Variants in SEMA3E observed in about 807,000 individuals in gnomAD.
SEMA3E encodes semaphorin 3E.
Under a neutral mutation model 93.6 loss-of-function variants are expected in SEMA3E, and 49 were observed. The observed-to-expected ratio is 0.52, with a 90% confidence interval of 0.42 to 0.66. The LOEUF (loss-of-function observed/expected upper bound fraction) is 0.66. Ranked by LOEUF, SEMA3E falls within the 30% of genes least tolerant of loss-of-function variation. SEMA3E has a pLI of 0.00. For synonymous variants in SEMA3E, 363 were observed against 330.7 expected, an observed-to-expected ratio of 1.10 and a Z score of -1.06; for missense variants, 906 against 964.8, an observed-to-expected ratio of 0.94 and a Z score of 0.81.
At chr7:83,627,915 T>C (rs1443159710) in intron 1 of SEMA3E, among the ~76,000 whole-genome samples, 2 of 152,296 alleles carry the variant, frequency 1.3e-5, no homozygotes, top group Middle Eastern at 3.4e-3. Context: ...ATAGTGTTGA[T>C]GGTCTTTACA....
intron 1 of SEMA3E, 38 bp downstream of exon 1, chr7:83,648,377 CTTTTTCTTTTTTT>C (rs1348343372): frequency 2.3e-6 from 3 of 1,297,346 alleles, no homozygotes; most frequent in African/African-American, 1.6e-5. Flanking sequence ...TTTCTTTTTT[CTTTTTCTTTTTTT>C]TTTTTTTTAA....
chr7:83,496,888 C>G (rs1790500504), intron 1 of SEMA3E, among the ~76,000 whole-genome samples: 1 of 152,040 alleles, frequency 6.6e-6, no homozygotes, highest in African/African-American at 2.4e-5. Context: ...CAGGTAATCT[C>G]AAGAAAACAC....
At chr7:83,492,331 C>T (rs1341642128) in intron 1 of SEMA3E, among the ~76,000 whole-genome samples, 1 of 151,966 alleles carries the variant, frequency 6.6e-6, no homozygotes, top group African/African-American at 2.4e-5. Context: ...TTGCCTGCTA[C>T]CCAGTGAGGT....
At chr7:83,450,076 C>G (rs1191799581) in intron 4 of SEMA3E, among the ~76,000 whole-genome samples, 1 of 152,140 alleles carries the variant, frequency 6.6e-6, no homozygotes, top group Non-Finnish European at 1.5e-5. Context: ...GAAATTAAGA[C>G]CACAATGTGA....
chr7:83,386,081 G>C (rs748930828), intron 15 of SEMA3E, among the ~76,000 whole-genome samples: 11 of 152,014 alleles, frequency 7.2e-5, no homozygotes, highest in Non-Finnish European at 1.5e-4. Context: ...TTTAAACTAA[G>C]ACAAATTCAA....
At chr7:83,412,398 A>G (rs1417086708) in intron 5 of SEMA3E, among the ~76,000 whole-genome samples, 1 of 152,122 alleles carries the variant, frequency 6.6e-6, no homozygotes, top group South Asian at 2.1e-4. Flanking sequence ...TCATAATTAA[A>G]TATATCAGAA....
chr7:83,528,778 A>T (rs1337642387), intron 1 of SEMA3E, among the ~76,000 whole-genome samples: 1 of 152,158 alleles, frequency 6.6e-6, no homozygotes, highest in Non-Finnish European at 1.5e-5. Flanking sequence ...TGAAACAAAT[A>T]CATTTTCAGA....
chr7:83,387,154 A>G, intron 14 of SEMA3E, 104 bp from the exon 15 acceptor site: 3 of 902,798 alleles, frequency 3.3e-6, no homozygotes, highest in Non-Finnish European at 5.3e-6. Context: ...GCTACTGAAA[A>G]AAATGATCAT....
chr7:83,441,797 T>C (rs1789119705), intron 4 of SEMA3E, among the ~76,000 whole-genome samples: 1 of 152,160 alleles, frequency 6.6e-6, no homozygotes, highest in Non-Finnish European at 1.5e-5. Flanking sequence ...ATACAATTAA[T>C]ATCACCACTG....
At chr7:83,385,194 A>G in intron 16 of SEMA3E, 100 bp downstream of exon 16, 3 of 1,337,678 alleles carry the variant, frequency 2.2e-6, no homozygotes, top group East Asian at 4.6e-5. Flanking sequence ...TGCATAGTAC[A>G]ACAGCTAGCT....
intron 1 of SEMA3E, among the ~76,000 whole-genome samples, chr7:83,639,350 T>G (rs374294096): frequency 1.3e-5 from 2 of 152,108 alleles, no homozygotes; most frequent in African/African-American, 4.8e-5. Flanking sequence ...CAAGACTTCC[T>G]GCAGGTGAAT....
chr7:83,596,316 C>T (rs1417001306), intron 1 of SEMA3E, among the ~76,000 whole-genome samples: 2 of 151,774 alleles, frequency 1.3e-5, no homozygotes, highest in Non-Finnish European at 2.9e-5. Context: ...TTATATTTTT[C>T]CTGCTCCAGA....
At chr7:83,535,428 C>A (rs1392355382) in intron 1 of SEMA3E, among the ~76,000 whole-genome samples, 4 of 149,338 alleles carry the variant, frequency 2.7e-5, no homozygotes, top group African/African-American at 5.0e-5. Flanking sequence ...GGTAATATTT[C>A]ATTCATTCAC....
intron 4 of SEMA3E, among the ~76,000 whole-genome samples, chr7:83,446,480 G>T (rs2115803130): frequency 6.6e-6 from 1 of 152,284 alleles, no homozygotes; most frequent in Admixed American, 6.5e-5. Flanking sequence ...CTGCAGTGAG[G>T]TCTCCCCTGT....
At chr7:83,533,554 G>GATAAAATAAAATAAAATAAA (rs201440310) in intron 1 of SEMA3E, among the ~76,000 whole-genome samples, 6 of 149,810 alleles carry the variant, frequency 4.0e-5, no homozygotes, top group African/African-American at 7.4e-5. Flanking sequence ...AATAAAATAC[G>GATAAAATAAAATAAAATAAA]ATAAAATAAA....
chr7:83,634,683 C>A (rs112321264), intron 1 of SEMA3E, among the ~76,000 whole-genome samples: 3 of 151,778 alleles, frequency 2.0e-5, no homozygotes, highest in African/African-American at 7.3e-5. Context: ...GGAAATTAAA[C>A]CATATGAATG....
chr7:83,383,307 T>C (rs1562754747), intron 16 of SEMA3E, among the ~76,000 whole-genome samples: 2 of 149,488 alleles, frequency 1.3e-5, no homozygotes, highest in South Asian at 4.3e-4. Context: ...TGATTTCTTA[T>C]CAAAATAAAG....
At chr7:83,389,903 A>T (rs1043976187) in intron 14 of SEMA3E, among the ~76,000 whole-genome samples, 1 of 129,564 alleles carries the variant, frequency 7.7e-6, no homozygotes, top group Admixed American at 7.9e-5. Context: ...TATTACATGT[A>T]TACATATATA....
At chr7:83,395,397 T>C (rs138369277) in intron 12 of SEMA3E, among the ~76,000 whole-genome samples, 1 of 152,256 alleles carries the variant, frequency 6.6e-6, no homozygotes, top group African/African-American at 2.4e-5. Flanking sequence ...CATAAACATA[T>C]AGAGCCAATC....
Sources: allele counts gnomAD v4.1 joint callset (sites outside exome capture counted in the v4.1 genomes callset), GRCh38; gene constraint gnomAD v4.1.1; transcripts MANE v1.5; gene names NCBI Gene and HGNC (gene_info 2026-07-23, HGNC 2026-07-21).